The following SLC22A23 variants were observed in gnomAD, a reference collection of about 807,000 sequenced individuals.
The protein encoded by SLC22A23 is solute carrier family 22 member 23, also known as ion transporter protein.
SLC22A23 carries 26 observed loss-of-function variants against 61.0 expected under a neutral mutation model. The ratio of observed to expected loss-of-function variants is 0.43; its 90% CI spans 0.31 to 0.59. SLC22A23 has a LOEUF of 0.59. Among genes scored for constraint, SLC22A23 ranks in the 20% least tolerant of loss-of-function variants. The probability of loss-of-function intolerance (pLI) is 0.11; values close to 1 mark genes in which losing one functional copy is unlikely to be tolerated. For missense variants in SLC22A23, 796 were observed against 934.7 expected, an observed-to-expected ratio of 0.85 and a Z score of 1.94; for synonymous variants, 430 against 413.9, an observed-to-expected ratio of 1.04 and a Z score of -0.47.
chr6:3,287,575 G>T (rs1760144260), intron 6 of SLC22A23, among the ~76,000 whole-genome samples: 1 of 152,140 alleles, frequency 6.6e-6, no homozygotes, highest in African/African-American at 2.4e-5. Flanking sequence ...TTCTGGAAGG[G>T]TGGAGATCTA....
rs901382978 is a variant in SLC22A23 at position 3,327,996 on chromosome 6, T to C, written c.914-3994A>G. 6.6e-6 allele frequency among the ~76,000 whole-genome samples: 1 copy of C among 152,070 alleles called. No homozygotes were observed. The highest frequency in any genetic ancestry group is 1.5e-5 in the Non-Finnish European group (1 of 68,012). On this transcript the variant is annotated intron_variant, in intron 3 of 9. Coordinates refer to ENST00000406686, the MANE Select transcript of SLC22A23 (RefSeq NM_015482.2). This position sits in a 1 kb window ranked among gnomAD's most constrained non-coding sequence, Gnocchi z 4.1. ...GCATTTCAGATTTCAGATGTTCTGA[T>C]TAGGGATGCCCAACCTGCATAACAA... is the stretch of plus-strand genomic sequence containing the variant.
intron 1 of SLC22A23, among the ~76,000 whole-genome samples, chr6:3,429,593 A>C (rs1303433009): frequency 6.6e-6 from 1 of 152,216 alleles, no homozygotes; most frequent in African/African-American, 2.4e-5. Context: ...ACATACAAAG[A>C]TATGTACACC....
At chr6:3,340,483 G>A (rs9503551) in intron 3 of SLC22A23, among the ~76,000 whole-genome samples, 16,091 of 152,206 alleles carry the variant, frequency 0.11, 997 homozygotes, top group South Asian at 0.25. Flanking sequence ...GTAACCATGA[G>A]ATAAATGAAC....
chr6:3,328,219 C>T lies in SLC22A23; in HGVS notation c.914-4217G>A, dbSNP rs4128536. On this transcript the variant is annotated intron_variant, in intron 3 of 9. Coordinates refer to ENST00000406686, the MANE Select transcript of SLC22A23 (RefSeq NM_015482.2). The surrounding 1 kb of genome is among the most constrained non-coding windows in gnomAD (Gnocchi z 5.0). Reference sequence around the variant, plus strand: ...TGAGGGTTGTGAGAATGAAACAGTACGTAGCTGAGACTGAACTGAGGCATT... The same window carrying T: ...TGAGGGTTGTGAGAATGAAACAGTATGTAGCTGAGACTGAACTGAGGCATT... Among the ~76,000 whole-genome samples the T allele has an allele frequency of 0.13, 20,254 of 151,348 alleles. 1,502 individuals are homozygous for T. The highest frequency in any genetic ancestry group is 0.24 in the South Asian group (1,158 of 4,734).
In SLC22A23 at chr6:3,456,948, T is replaced by G. The variant is rs1244844869; in HGVS notation, c.-389A>C. Reference sequence around the variant, plus strand: ...CGCCCTTGCCGGCGGTTCAGGGCCCTGCGGGCGGCGGTGCGGGCAAAGGCT... The same window carrying G: ...CGCCCTTGCCGGCGGTTCAGGGCCCGGCGGGCGGCGGTGCGGGCAAAGGCT... On this transcript the variant is annotated 5_prime_UTR_variant, in exon 1 of 10. Transcript: ENST00000406686. This position sits in a 1 kb window ranked among gnomAD's most constrained non-coding sequence, Gnocchi z 7.1. 10 of 149,766 alleles carry G rather than the reference T, an allele frequency of 6.7e-5. No individual in the cohort carries two copies. The highest frequency in any genetic ancestry group is 6.6e-4 in the Admixed American group (10 of 15,084). The allele number at this position is 149,766 out of a possible 1,614,324, so 9.3% of individuals were successfully genotyped here.
chr6:3,421,579 A>G (rs1249222361), intron 1 of SLC22A23, among the ~76,000 whole-genome samples: 1 of 152,202 alleles, frequency 6.6e-6, no homozygotes, highest in African/African-American at 2.4e-5. Context: ...AATATTCCAA[A>G]ATATTTTAAA....
chr6:3,446,105 C>T (rs751589335), intron 1 of SLC22A23, among the ~76,000 whole-genome samples: 4 of 152,164 alleles, frequency 2.6e-5, no homozygotes, highest in Non-Finnish European at 4.4e-5. Flanking sequence ...GTCCAGAAAC[C>T]CAAACATACA....
intron 1 of SLC22A23, among the ~76,000 whole-genome samples, chr6:3,449,704 A>G (rs1581908869): frequency 6.6e-6 from 1 of 152,212 alleles, no homozygotes; most frequent in African/African-American, 2.4e-5. Context: ...ACAGAACCAC[A>G]CATATTATTA....
chr6:3,300,994 T>TC lies in SLC22A23; in HGVS notation c.1083-2777_1083-2776insG, dbSNP rs556045889. 9.9e-5 allele frequency among the ~76,000 whole-genome samples: 15 copies of TC among 151,858 alleles called. No individual in the cohort carries two copies. In the South Asian group the frequency reaches 3.1e-3, roughly 32 times the overall value. ...AAATACATTTGCAGGCACTGATTTT[T>TC]TTTAAATACTCAAAGTTAATGTTTG... On this transcript the variant is annotated intron_variant, in intron 4 of 9. Transcript: ENST00000406686.
At chr6:3,420,232 G>GAA (rs34794008) in intron 1 of SLC22A23, among the ~76,000 whole-genome samples, 9 of 102,690 alleles carry the variant, frequency 8.8e-5, no homozygotes, top group South Asian at 3.4e-4. Flanking sequence ...AGCAAAATGA[G>GAA]AAAAAAAAAA....
intron 4 of SLC22A23, 122 bp downstream of exon 4, chr6:3,323,712 C>T (rs547505028): frequency 1.7e-6 from 2 of 1,180,144 alleles, no homozygotes; most frequent in Admixed American, 2.9e-5. Flanking sequence ...AAAACCTTCT[C>T]AGACAGAACC....
intron 3 of SLC22A23, among the ~76,000 whole-genome samples, chr6:3,378,213 C>G (rs1230762318): frequency 6.6e-6 from 1 of 152,290 alleles, no homozygotes; most frequent in South Asian, 2.1e-4. Context: ...AGCCTTTGGT[C>G]GTTTTCCCTC....
intron 3 of SLC22A23, among the ~76,000 whole-genome samples, chr6:3,379,990 T>C (rs1328545803): frequency 6.6e-6 from 1 of 152,116 alleles, no homozygotes; most frequent in Admixed American, 6.5e-5. Flanking sequence ...CGTGCGTGCA[T>C]CTGTACACAT....
In SLC22A23 at chr6:3,431,066, C is replaced by CAA. The variant is rs751754256; in HGVS notation, c.655-15213_655-15212dup. Among the ~76,000 whole-genome samples, 932 of 129,436 alleles carry CAA rather than the reference C, an allele frequency of 7.2e-3. 5 individuals are homozygous for CAA. Among genetic ancestry groups the CAA allele is most frequent in the Non-Finnish European group, 0.012 (721 of 62,370 alleles). The allele number at this position is 129,436 out of a possible 152,430, so 84.9% of individuals were successfully genotyped here. A position where few individuals can be genotyped will look rare whatever the true frequency, so the allele number is the denominator to read the frequency against. On this transcript the variant is annotated intron_variant, in intron 1 of 9. Transcript: ENST00000406686. Reference sequence around the variant, plus strand: ...GGGCAACAAGAGCAAAACTCCGTCTCAAAAAAAAAAAAAAAAAAAGAAAGA... The same window carrying CAA: ...GGGCAACAAGAGCAAAACTCCGTCTCAAAAAAAAAAAAAAAAAAAAAGAAAGA...
At chr6:3,377,412 C>T (rs1293784315) in intron 3 of SLC22A23, among the ~76,000 whole-genome samples, 2 of 152,146 alleles carry the variant, frequency 1.3e-5, no homozygotes, top group Non-Finnish European at 2.9e-5. Context: ...GGGATGAATG[C>T]TAAGAGAGCC....
chr6:3,316,799 G>A (rs1015989490), intron 4 of SLC22A23, among the ~76,000 whole-genome samples: 1 of 152,170 alleles, frequency 6.6e-6, no homozygotes, highest in Admixed American at 6.5e-5. Flanking sequence ...CCCATGTGTG[G>A]CTAATTTTTT....
chr6:3,367,064 G>T (rs997569143), intron 3 of SLC22A23, among the ~76,000 whole-genome samples: 4 of 152,184 alleles, frequency 2.6e-5, no homozygotes, highest in African/African-American at 9.7e-5. Context: ...AACTCCTGAC[G>T]AGATGCCTTC....
At position 3,285,262 on chromosome 6, in the gene SLC22A23, C is replaced by T. The variant is rs374386101; in HGVS notation, c.1547-151G>A. The T allele has an allele frequency of 2.3e-5, 24 of 1,058,288 alleles. No individual in the cohort carries two copies. The African/African-American group carries it at 3.1e-4, about 14-fold the overall frequency. 65.6% of individuals were successfully genotyped at this position (1,058,288 alleles called of 1,614,324 possible). On this transcript the variant is annotated intron_variant, in intron 7 of 9. Transcript: ENST00000406686. ...CTTCCGTGTCTGGGATGGCGCTGGCCGCCGGGGCAGTGGAATTCATACTGC... is the reference window on the plus strand; with the variant it reads ...CTTCCGTGTCTGGGATGGCGCTGGCTGCCGGGGCAGTGGAATTCATACTGC...
rs373927826 is a variant in SLC22A23 at position 3,286,980 on chromosome 6, G to A, written c.1425C>T (p.Ile475=). 1.6e-5 allele frequency: 26 copies of A among 1,614,060 alleles called. No individual in the cohort carries two copies. The highest frequency in any genetic ancestry group is 1.6e-4 in the African/African-American group (12 of 74,950). The change falls in exon 7 of 10, where the codon ATC becomes ATT. Residue 475 remains isoleucine, a synonymous_variant. Coordinates refer to ENST00000406686, the MANE Select transcript of SLC22A23 (RefSeq NM_015482.2). The surrounding 1 kb of genome is among the most constrained non-coding windows in gnomAD (Gnocchi z 4.2). ...FYADYYTTAS[I]ALVSCLAMCV... is the part of the protein sequence containing the mutation. ...ACATGGCCAGGCAGGACACCAGCGC[G>A]ATGCTGGCCGTGGTATAGTAGTCAG...
Sources: allele counts gnomAD v4.1 joint callset (sites outside exome capture counted in the v4.1 genomes callset), GRCh38; gene constraint gnomAD v4.1.1; non-coding constraint Gnocchi (gnomAD v3.1); transcripts MANE v1.5; gene names NCBI Gene and HGNC (gene_info 2026-07-23, HGNC 2026-07-21).